STAC: variants seen among roughly 807,000 people sequenced by gnomAD.
The protein encoded by STAC is SH3 and cysteine rich domain.
Under a neutral mutation model 48.8 loss-of-function variants are expected in STAC, and 43 were observed. The ratio of observed to expected loss-of-function variants is 0.88; its 90% CI spans 0.69 to 1.14. The LOEUF (loss-of-function observed/expected upper bound fraction) is 1.14. STAC is among the 50% of genes most tolerant of loss of function. The pLI, the probability that STAC is intolerant of heterozygous loss-of-function variation, is 0.00. For synonymous variants in STAC, 193 were observed against 179.5 expected (o/e 1.07, Z -0.60); for missense variants, 497 against 504.0 (o/e 0.99, Z 0.13).
chr3:36,546,845 T>G lies in STAC; in HGVS notation c.*556T>G. On this transcript the variant is annotated 3_prime_UTR_variant, in exon 11 of 11. Transcript: ENST00000273183. Reference sequence around the variant, plus strand: ...CTCTTTGTGATTGTGCTGTCCAGAGTGTCCAGCTTGTTCTTTCTTTCTCTT... The same window carrying G: ...CTCTTTGTGATTGTGCTGTCCAGAGGGTCCAGCTTGTTCTTTCTTTCTCTT... 6.5e-6 allele frequency: 1 copy of G among 154,298 alleles called. No individual in the cohort carries two copies. Among genetic ancestry groups the G allele is most frequent in the Admixed American group, 6.4e-5 (1 of 15,550 alleles). 9.6% of individuals were successfully genotyped at this position (154,298 alleles called of 1,614,324 possible). A position where few individuals can be genotyped will look rare whatever the true frequency, so the allele number is the denominator to read the frequency against.
intron 3 of STAC, among the ~76,000 whole-genome samples, chr3:36,484,277 G>C (rs1697739908): frequency 6.6e-6 from 1 of 152,170 alleles, no homozygotes; most frequent in African/African-American, 2.4e-5. Context: ...AGGAACATTA[G>C]ACAGGATTCT....
At chr3:36,410,945 A>G (rs1358137431) in intron 1 of STAC, among the ~76,000 whole-genome samples, 1 of 152,212 alleles carries the variant, frequency 6.6e-6, no homozygotes, top group African/African-American at 2.4e-5. Context: ...AGATCTTCAC[A>G]TGGATGTCTA....
chr3:36,392,152 G>T (rs1330937293), intron 1 of STAC, among the ~76,000 whole-genome samples: 5 of 152,118 alleles, frequency 3.3e-5, no homozygotes, highest in East Asian at 3.9e-4. Context: ...AGGCTGCAAG[G>T]CCCCTTCCTC....
At position 36,531,535 on chromosome 3, in the gene STAC, C is replaced by A. The variant is rs574255266; in HGVS notation, c.1110+2550C>A. Among the ~76,000 whole-genome samples, 12 of 152,220 alleles carry A rather than the reference C, an allele frequency of 7.9e-5. No individual in the cohort carries two copies. In the East Asian group the frequency reaches 2.3e-3, roughly 29 times the overall value. On this transcript the variant is annotated intron_variant, in intron 10 of 10. Transcript: ENST00000273183. Reference sequence around the variant, plus strand: ...TGAAGCCCTGTTTTCATTCATGGAACCATAGTAAACCAGACAGAGTACCAG... The same window carrying A: ...TGAAGCCCTGTTTTCATTCATGGAAACATAGTAAACCAGACAGAGTACCAG...
intron 1 of STAC, among the ~76,000 whole-genome samples, chr3:36,431,676 G>A (rs1700708593): frequency 6.6e-6 from 1 of 151,856 alleles, no homozygotes; most frequent in Non-Finnish European, 1.5e-5. Context: ...AATTTGAGGA[G>A]GAAAAAAAGG....
At chr3:36,441,615 G>A (rs533389628) in intron 1 of STAC, among the ~76,000 whole-genome samples, 1 of 152,312 alleles carries the variant, frequency 6.6e-6, no homozygotes, top group Admixed American at 6.5e-5. Context: ...ATTCCCAGCA[G>A]TGGGATTGCT....
intron 1 of STAC, among the ~76,000 whole-genome samples, chr3:36,400,535 G>A (rs1383737223): frequency 6.6e-6 from 1 of 152,178 alleles, no homozygotes; most frequent in African/African-American, 2.4e-5. Flanking sequence ...GCTGGGTTGG[G>A]ACATTCTATA....
intron 10 of STAC, among the ~76,000 whole-genome samples, chr3:36,540,318 G>T (rs1005125097): frequency 6.6e-6 from 1 of 152,082 alleles, no homozygotes; most frequent in East Asian, 1.9e-4. Context: ...CACCAAATTT[G>T]GGGTAATTTA....
intron 1 of STAC, among the ~76,000 whole-genome samples, chr3:36,430,809 C>T (rs753323524): frequency 2.0e-4 from 31 of 152,188 alleles, no homozygotes; most frequent in Non-Finnish European, 3.5e-4. Flanking sequence ...TCACTGTGTC[C>T]TCACATGATT....
intron 2 of STAC, among the ~76,000 whole-genome samples, chr3:36,451,595 A>G (rs1380238064): frequency 6.6e-6 from 1 of 152,090 alleles, no homozygotes; most frequent in Middle Eastern, 3.2e-3. Flanking sequence ...ATAACTTCCC[A>G]ATTCTTTTTC....
chr3:36,393,101 C>T (rs1279117636), intron 1 of STAC, among the ~76,000 whole-genome samples: 2 of 152,208 alleles, frequency 1.3e-5, no homozygotes, highest in Non-Finnish European at 2.9e-5. Flanking sequence ...TTTCAAGCTT[C>T]CCACTCTGTG....
chr3:36,408,434 C>CT (rs1489982947), intron 1 of STAC, among the ~76,000 whole-genome samples: 1 of 152,172 alleles, frequency 6.6e-6, no homozygotes, highest in Admixed American at 6.6e-5. Context: ...ACTTATTCCT[C>CT]TTTTTCCTTT....
At chr3:36,396,103 T>G (rs1430996097) in intron 1 of STAC, among the ~76,000 whole-genome samples, 2 of 152,184 alleles carry the variant, frequency 1.3e-5, no homozygotes, top group Non-Finnish European at 2.9e-5. Context: ...TTAATCTTAT[T>G]CTAAAAACAC....
intron 1 of STAC, among the ~76,000 whole-genome samples, chr3:36,415,938 A>G (rs1185989561): frequency 6.6e-6 from 1 of 152,192 alleles, no homozygotes; most frequent in Non-Finnish European, 1.5e-5. Context: ...TATTTTATAA[A>G]TATCTATTTA....
At chr3:36,391,424 A>G (rs1699749349) in intron 1 of STAC, among the ~76,000 whole-genome samples, 1 of 152,176 alleles carries the variant, frequency 6.6e-6, no homozygotes, top group Admixed American at 6.5e-5. Flanking sequence ...ATCTGCATCC[A>G]ACCCAGACAT....
At chr3:36,536,260 T>C (rs1014413714) in intron 10 of STAC, among the ~76,000 whole-genome samples, 2 of 152,106 alleles carry the variant, frequency 1.3e-5, no homozygotes, top group African/African-American at 4.8e-5. Flanking sequence ...AAAATTCTTA[T>C]GGAACCAAAA....
intron 2 of STAC, among the ~76,000 whole-genome samples, chr3:36,453,627 G>GGAGGCTAGGGGATTGTAAACACA (rs1553636174): frequency 2.9e-4 from 31 of 106,416 alleles, no homozygotes; most frequent in East Asian, 5.1e-4. Context: ...TCCCTGACGA[G>GGAGGCTAGGGGATTGTAAACACA]CGCCGCCCCC....
intron 8 of STAC, among the ~76,000 whole-genome samples, chr3:36,512,582 T>C (rs1480821860): frequency 6.6e-6 from 1 of 152,096 alleles, no homozygotes; most frequent in Non-Finnish European, 1.5e-5. Context: ...ACTGGGATAA[T>C]GAGGAATGAT....
At chr3:36,537,513 G>T (rs918340234) in intron 10 of STAC, among the ~76,000 whole-genome samples, 4 of 152,126 alleles carry the variant, frequency 2.6e-5, no homozygotes, top group Non-Finnish European at 4.4e-5. Flanking sequence ...TGGACACAGG[G>T]AGGGAACAAC....
Sources: gnomAD v4.1 joint callset for allele counts (sites outside exome capture counted in the v4.1 genomes callset) on GRCh38, gnomAD v4.1.1 for gene constraint, MANE v1.5 for transcripts, NCBI Gene and HGNC (gene_info 2026-07-23, HGNC 2026-07-21) for gene names.